Variants in PIP4K2B observed in about 807,000 individuals in gnomAD.
PIP4K2B encodes phosphatidylinositol-5-phosphate 4-kinase type 2 beta.
In PIP4K2B, 3 loss-of-function variants were observed where a neutral mutation model predicts 42.0. That is an observed-to-expected ratio of 0.07 (90% CI 0.03 to 0.18). The LOEUF is 0.18. PIP4K2B is among the 10% of genes least tolerant of loss of function. The pLI is 1.00. For synonymous variants in PIP4K2B, 204 were observed against 210.1 expected, an observed-to-expected ratio of 0.97 and a Z score of 0.25; for missense variants, 332 against 562.3, an observed-to-expected ratio of 0.59 and a Z score of 4.14.
At chr17:38,780,246 G>A (rs937998689) in intron 4 of PIP4K2B, among the ~76,000 whole-genome samples, 22 of 152,178 alleles carry the variant, frequency 1.4e-4, no homozygotes, top group Non-Finnish European at 2.4e-4. Flanking sequence ...GTCAGTCAGC[G>A]ATGAGCCTTC....
In PIP4K2B at chr17:38,793,757, G is replaced by T. The variant is rs1056905491; in HGVS notation, c.159+5509C>A. Among the ~76,000 whole-genome samples, 32 of 152,182 alleles carry T rather than the reference G, an allele frequency of 2.1e-4. 1 individual carries two copies. Among genetic ancestry groups the T allele is most frequent in the South Asian group, 2.1e-4 (1 of 4,824 alleles). On this transcript the variant is annotated intron_variant, in intron 1 of 9. Coordinates refer to ENST00000619039, the MANE Select transcript of PIP4K2B (RefSeq NM_003559.5). ...GTGGTGGCATGTGCCTGTAGTCCCA[G>T]CTACTCGGGTGGCTAAGGCAGGAGA...
In PIP4K2B at chr17:38,765,943, A is replaced by G. The variant is rs1043515; in HGVS notation, c.*3748T>C. 0.46 allele frequency: 70,696 copies of G among 152,510 alleles called. 17,456 individuals carry two copies. The highest frequency in any genetic ancestry group is 0.62 in the Middle Eastern group (182 of 292). 9.4% of individuals were successfully genotyped at this position (152,510 alleles called of 1,614,324 possible). On this transcript the variant is annotated 3_prime_UTR_variant, in exon 10 of 10. Transcript: ENST00000619039. ...ACTTAATTCACATTTTTTAATTTCA[A>G]TGATCTGACCTGATGCTGGGATGTG...
chr17:38,792,472 A>C (rs1316287220), intron 1 of PIP4K2B, among the ~76,000 whole-genome samples: 1 of 152,188 alleles, frequency 6.6e-6, no homozygotes, highest in Non-Finnish European at 1.5e-5. Flanking sequence ...AAAAAGAAGA[A>C]AATTCTGCAA....
At chr17:38,770,927 C>T (rs1484448958) in intron 8 of PIP4K2B, 87 bp downstream of exon 8, 2 of 1,447,092 alleles carry the variant, frequency 1.4e-6, no homozygotes, top group South Asian at 1.2e-5. Context: ...GGTGGAGGTC[C>T]AGATGCCCCT....
chr17:38,782,984 G>A (rs1484552459), intron 3 of PIP4K2B, among the ~76,000 whole-genome samples: 1 of 151,694 alleles, frequency 6.6e-6, no homozygotes, highest in Non-Finnish European at 1.5e-5. Flanking sequence ...TCAGGAGATC[G>A]AAACCATCCT....
chr17:38,798,867 A>G (rs999294803), intron 1 of PIP4K2B, among the ~76,000 whole-genome samples: 1 of 152,166 alleles, frequency 6.6e-6, no homozygotes, highest in Non-Finnish European at 1.5e-5. Flanking sequence ...TACTTGACAG[A>G]GCTGGCAGCC....
At chr17:38,778,993 G>A (rs1322684389) in intron 5 of PIP4K2B, among the ~76,000 whole-genome samples, 1 of 152,174 alleles carries the variant, frequency 6.6e-6, no homozygotes, top group Non-Finnish European at 1.5e-5. Flanking sequence ...TCAGAAGCCA[G>A]GTTCAAGAAC....
At chr17:38,796,953 C>T (rs1239982460) in intron 1 of PIP4K2B, among the ~76,000 whole-genome samples, 1 of 152,160 alleles carries the variant, frequency 6.6e-6, no homozygotes, top group Admixed American at 6.6e-5. Flanking sequence ...TTACACTCTT[C>T]TTCTAGGCAG....
intron 7 of PIP4K2B, among the ~76,000 whole-genome samples, chr17:38,776,979 C>CTTGATCTGCCAGGCTCCA (rs1351851584): frequency 6.6e-6 from 1 of 152,172 alleles, no homozygotes; most frequent in African/African-American, 2.4e-5. Flanking sequence ...CTCATGTTGC[C>CTTGATCTGCCAGGCTCCA]TTGATCTGCC....
rs372368285 is a variant in PIP4K2B, at chr17:38,784,231, G to T, written c.354+12C>A. On this transcript the variant is annotated intron_variant, in intron 3 of 9. Coordinates refer to ENST00000619039, the MANE Select transcript of PIP4K2B (RefSeq NM_003559.5). ...TTCCCTAATCCACTGATGTTGCCAGGAGCCTCCATACCTGGTAATCCTGAT... is the reference window on the plus strand; with the variant it reads ...TTCCCTAATCCACTGATGTTGCCAGTAGCCTCCATACCTGGTAATCCTGAT... The T allele has an allele frequency of 2.6e-6, 4 of 1,543,616 alleles. No individual in the cohort carries two copies. In the African/African-American group the frequency reaches 5.5e-5, roughly 21 times the overall value.
At chr17:38,778,245 G>A (rs1047963672) in intron 6 of PIP4K2B, 89 bp downstream of exon 6, 3 of 1,164,090 alleles carry the variant, frequency 2.6e-6, no homozygotes, top group Admixed American at 1.7e-5. Context: ...AGCTGGGCTA[G>A]GGGCTGGGGT....
chr17:38,770,686 C>T (rs934847569), intron 8 of PIP4K2B, 147 bp from the exon 9 acceptor site: 3 of 655,514 alleles, frequency 4.6e-6, no homozygotes, highest in African/African-American at 3.6e-5. Flanking sequence ...GAGTCCTTTC[C>T]AGCTGTCATA....
Position 38,780,473 on chromosome 17 carries a change from G to A in PIP4K2B, c.486C>T (p.Asn162=), listed in dbSNP as rs1416004368. Residue 162 remains asparagine, a synonymous_variant, in exon 4 of 10, where the codon AAC becomes AAT. Coordinates refer to ENST00000619039, the MANE Select transcript of PIP4K2B (RefSeq NM_003559.5). ...ATACCTGGTGGTATTTCTTTAAGAT[G>A]TTGTGCATCTCCGCCACGTCCTCGC... ...VSSEDVAEMH[N]ILKKYHQFIV... 1 of 1,612,834 alleles carries A rather than the reference G, an allele frequency of 6.2e-7. No homozygotes were observed.
At position 38,799,235 on chromosome 17, in the gene PIP4K2B, G is replaced by T; in HGVS notation, c.159+31C>A. 1 of 1,558,314 alleles carries T rather than the reference G, an allele frequency of 6.4e-7. No homozygotes were observed. The highest frequency in any genetic ancestry group is 8.6e-7 in the Non-Finnish European group (1 of 1,156,622). On this transcript the variant is annotated intron_variant, in intron 1 of 9. Transcript: ENST00000619039. This position sits in a 1 kb window ranked among gnomAD's most constrained non-coding sequence, Gnocchi z 4.4. ...AGGGGGCGTGGGAGCGCGCGGGGCC[G>T]CGCTCAGAGGGGCGCGCAGGAGCTG...
Position 38,779,547 on chromosome 17 carries a change from A to T in PIP4K2B, c.508-18T>A. On this transcript the variant is annotated intron_variant, in intron 4 of 9. Coordinates refer to ENST00000619039, the MANE Select transcript of PIP4K2B (RefSeq NM_003559.5). ...ACTATAAACTAGAATGGAAAGGAAG[A>T]AGAGAGAGGACTAAGGAACAGGCAG... 6.2e-7 allele frequency: 1 copy of T among 1,608,820 alleles called. No homozygotes were observed.
intron 2 of PIP4K2B, among the ~76,000 whole-genome samples, chr17:38,786,604 C>T (rs1567660027): frequency 1.3e-5 from 2 of 152,198 alleles, no homozygotes; most frequent in South Asian, 2.1e-4. Context: ...CAAGGGCCAC[C>T]GGAGGTAGGC....
chr17:38,792,909 C>T (rs1416621207), intron 1 of PIP4K2B: 1 of 152,208 alleles, frequency 6.6e-6, no homozygotes, highest in African/African-American at 2.4e-5. Context: ...CATTCAAAGG[C>T]CTGAGTAGGA....
chr17:38,777,702 C>T lies in PIP4K2B; in HGVS notation c.792G>A (p.Leu264=). ...TAGTAAGTACCTCAACGTCCCGCTTCAGTTTCTCCAGGAAGTTCTTTTTAC... is the reference window on the plus strand; with the variant it reads ...TAGTAAGTACCTCAACGTCCCGCTTTAGTTTCTCCAGGAAGTTCTTTTTAC... ...EESKKNFLEK[L]KRDVEFLAQL... The change falls in exon 7 of 10, where the codon CTG becomes CTA. Residue 264 remains leucine (L), a synonymous_variant. Coordinates refer to ENST00000619039, the MANE Select transcript of PIP4K2B (RefSeq NM_003559.5). 6.2e-7 allele frequency: 1 copy of T among 1,611,926 alleles called. No individual in the cohort carries two copies.
chr17:38,776,520 G>A, intron 7 of PIP4K2B: 1 of 365,902 alleles, frequency 2.7e-6, no homozygotes, highest in Non-Finnish European at 5.4e-6. Flanking sequence ...CAGCTACTTG[G>A]GAGGCTGAGG....
Sources: allele counts gnomAD v4.1 joint callset (sites outside exome capture counted in the v4.1 genomes callset), GRCh38; gene constraint gnomAD v4.1.1; non-coding constraint Gnocchi (gnomAD v3.1); transcripts MANE v1.5; gene names NCBI Gene and HGNC (gene_info 2026-07-23, HGNC 2026-07-21).